The following MIPOL1 variants were observed in gnomAD, a reference collection of about 807,000 sequenced individuals.
The protein encoded by MIPOL1 is mirror-image polydactyly 1.
MIPOL1 carries 57 observed loss-of-function variants against 60.9 expected under a neutral mutation model. The ratio of observed to expected loss-of-function variants is 0.94; its 90% CI spans 0.76 to 1.17. The LOEUF is 1.17. Among genes scored for constraint, MIPOL1 ranks in the 50% most tolerant of loss-of-function variants. MIPOL1 has a pLI of 0.00. For missense variants in MIPOL1, 551 were observed against 511.6 expected (o/e 1.08, Z -0.74); for synonymous variants, 179 against 168.8 (o/e 1.06, Z -0.47).
intron 11 of MIPOL1, among the ~76,000 whole-genome samples, chr14:37,437,839 A>G (rs558060261): frequency 5.3e-5 from 8 of 152,206 alleles, no homozygotes; most frequent in Non-Finnish European, 1.2e-4. Flanking sequence ...TAATGAAGGT[A>G]ACCCATTATT....
Position 37,308,365 on chromosome 14 carries a change from T to C in MIPOL1, c.674T>C (p.Leu225Pro), listed in dbSNP as rs764303137. 3.2e-6 allele frequency: 5 copies of C among 1,561,236 alleles called. No individual in the cohort carries two copies. Among genetic ancestry groups the C allele is most frequent in the African/African-American group, 2.8e-5 (2 of 72,686 alleles). Residue 225 changes from leucine to proline, a missense_variant, in exon 9 of 13, where the codon CTG becomes CCG. Coordinates refer to ENST00000684589, the MANE Select transcript of MIPOL1 (RefSeq NM_001388067.1). ...EENDMTLQELLNRINNADTGI... is the reference protein window; with the variant it reads ...EENDMTLQELPNRINNADTGI... ...TGTTGGTAGACATTACAGGAATTACTGAACAGAATAAACAATGCAGACACA... is the reference window on the plus strand; with the variant it reads ...TGTTGGTAGACATTACAGGAATTACCGAACAGAATAAACAATGCAGACACA...
chr14:37,337,015 T>G (rs185455911), intron 9 of MIPOL1, among the ~76,000 whole-genome samples: 1 of 151,902 alleles, frequency 6.6e-6, no homozygotes, highest in Non-Finnish European at 1.5e-5. Context: ...TGCCTGCTTC[T>G]GCCTCTGTAA....
chr14:37,348,646 C>T (rs2091115081), intron 9 of MIPOL1, among the ~76,000 whole-genome samples: 1 of 151,462 alleles, frequency 6.6e-6, no homozygotes, highest in Non-Finnish European at 1.5e-5. Context: ...ATATTAAGGT[C>T]AGAAACAAGA....
chr14:37,249,047 T>C (rs1255052044), intron 3 of MIPOL1, among the ~76,000 whole-genome samples: 1 of 151,872 alleles, frequency 6.6e-6, no homozygotes, highest in Admixed American at 6.6e-5. Flanking sequence ...GTCAGATAGA[T>C]AAGAGCAGCA....
At chr14:37,489,750 A>G (rs1187524508) in intron 11 of MIPOL1, among the ~76,000 whole-genome samples, 1 of 151,958 alleles carries the variant, frequency 6.6e-6, no homozygotes, top group Non-Finnish European at 1.5e-5. Context: ...TCCACTCTAG[A>G]CCCTGTTTGC....
intron 12 of MIPOL1, among the ~76,000 whole-genome samples, chr14:37,521,800 T>C (rs1230752090): frequency 6.6e-6 from 1 of 151,400 alleles, no homozygotes; most frequent in East Asian, 1.9e-4. Context: ...TCTTAGTTGC[T>C]TGAACCCAGA....
chr14:37,524,431 T>C (rs995392174), intron 12 of MIPOL1, among the ~76,000 whole-genome samples: 3 of 152,122 alleles, frequency 2.0e-5, no homozygotes, highest in Non-Finnish European at 4.4e-5. Context: ...TTACTGAGAT[T>C]TGGAAGACTG....
chr14:37,238,961 A>T (rs1971927991), intron 1 of MIPOL1, among the ~76,000 whole-genome samples: 1 of 151,952 alleles, frequency 6.6e-6, no homozygotes, highest in African/African-American at 2.4e-5. Context: ...TCAAAAAAAA[A>T]GTAATATATA....
intron 11 of MIPOL1, among the ~76,000 whole-genome samples, chr14:37,425,350 A>G (rs73267953): frequency 0.022 from 3,369 of 152,298 alleles, 139 homozygotes; most frequent in African/African-American, 0.077. Context: ...TGAAAATCAT[A>G]AAGCTAAAAT....
chr14:37,512,075 T>C (rs1188185537), intron 12 of MIPOL1, among the ~76,000 whole-genome samples: 1 of 152,162 alleles, frequency 6.6e-6, no homozygotes, highest in Non-Finnish European at 1.5e-5. Context: ...AAAGATCAGG[T>C]TAAAACATTT....
intron 1 of MIPOL1, among the ~76,000 whole-genome samples, chr14:37,241,634 G>A (rs1399945219): frequency 2.6e-5 from 4 of 152,000 alleles, no homozygotes; most frequent in Non-Finnish European, 4.4e-5. Context: ...CTTCAATGAT[G>A]GGATGTAATT....
In MIPOL1 at chr14:37,547,582, T is replaced by C. The variant is rs1387527732; in HGVS notation, c.*611T>C. ...GATGGATATATTAAAATTACATTCA[T>C]CAAGGCATGATTTTTGTTTCACTAC... On this transcript the variant is annotated 3_prime_UTR_variant, in exon 13 of 13. Coordinates refer to ENST00000684589, the MANE Select transcript of MIPOL1 (RefSeq NM_001388067.1). The C allele has an allele frequency of 6.6e-6, 1 of 152,572 alleles. No individual in the cohort carries two copies. Among genetic ancestry groups the C allele is most frequent in the African/African-American group, 2.4e-5 (1 of 41,442 alleles). 9.5% of individuals were successfully genotyped at this position (152,572 alleles called of 1,614,324 possible).
At chr14:37,436,012 G>A (rs1349311571) in intron 11 of MIPOL1, among the ~76,000 whole-genome samples, 1 of 152,108 alleles carries the variant, frequency 6.6e-6, no homozygotes, top group African/African-American at 2.4e-5. Context: ...AAATTCCAGA[G>A]TAGACTTTAT....
At chr14:37,299,702 T>C (rs1595003219) in intron 7 of MIPOL1, among the ~76,000 whole-genome samples, 1 of 152,260 alleles carries the variant, frequency 6.6e-6, no homozygotes, top group East Asian at 1.9e-4. Context: ...CTCTTATTGT[T>C]AACATCTTAA....
intron 4 of MIPOL1, 128 bp from the exon 5 acceptor site, chr14:37,268,530 C>T: frequency 1.5e-6 from 1 of 674,480 alleles, no homozygotes; most frequent in Non-Finnish European, 2.4e-6. Context: ...AAAAAACAGC[C>T]CATCTCTTTT....
intron 10 of MIPOL1, among the ~76,000 whole-genome samples, chr14:37,393,988 ATAG>A (rs2093313584): frequency 6.8e-6 from 1 of 146,828 alleles, no homozygotes; most frequent in African/African-American, 2.5e-5. Flanking sequence ...ACTTAGAATA[ATAG>A]TCTCCAATCT....
chr14:37,511,868 A>G (rs2095330474), intron 12 of MIPOL1, among the ~76,000 whole-genome samples: 4 of 152,202 alleles, frequency 2.6e-5, no homozygotes, highest in Admixed American at 1.3e-4. Flanking sequence ...GAAGAGTTAT[A>G]TACTGTAACT....
chr14:37,367,270 G>C (rs1482698904), intron 9 of MIPOL1, among the ~76,000 whole-genome samples: 1 of 151,820 alleles, frequency 6.6e-6, no homozygotes, highest in African/African-American at 2.4e-5. Context: ...GCAATTGTGG[G>C]GAATGTGTTA....
At chr14:37,444,662 G>A (rs1230985672) in intron 11 of MIPOL1, among the ~76,000 whole-genome samples, 1 of 152,152 alleles carries the variant, frequency 6.6e-6, no homozygotes, top group East Asian at 1.9e-4. Flanking sequence ...TGGTGAAAGA[G>A]TAAATGTATA....
Sources: allele counts gnomAD v4.1 joint callset (sites outside exome capture counted in the v4.1 genomes callset), GRCh38; gene constraint gnomAD v4.1.1; transcripts MANE v1.5; gene names NCBI Gene and HGNC (gene_info 2026-07-23, HGNC 2026-07-21).